The following UBR4 variants were observed in gnomAD, a reference collection of about 807,000 sequenced individuals.
UBR4 encodes E3 ubiquitin-protein ligase UBR4.
UBR4 carries 124 observed loss-of-function variants against 575.6 expected under a neutral mutation model. That is an observed-to-expected ratio of 0.22 (90% CI 0.19 to 0.25). The LOEUF (loss-of-function observed/expected upper bound fraction) is 0.25. Ranked by LOEUF, UBR4 falls within the 10% of genes least tolerant of loss-of-function variation. The pLI is 1.00. For synonymous variants in UBR4, 2,455 were observed against 2,473.7 expected, an observed-to-expected ratio of 0.99 and a Z score of 0.22; for missense variants, 4,818 against 6,478.8, an observed-to-expected ratio of 0.74 and a Z score of 8.80.
intron 65 of UBR4, 92 bp downstream of exon 65, chr1:19,124,449 A>G: frequency 6.6e-7 from 1 of 1,524,558 alleles, no homozygotes; most frequent in Admixed American, 2.0e-5. Context: ...AAGGGGAAAT[A>G]CCAAGTAAGG....
chr1:19,210,195 G>T lies in UBR4; in HGVS notation c.54C>A (p.Thr18=). Reference sequence around the variant, plus strand: ...GGGTCGTGTCCGCCCCCGTTGCCGGGGTCCCCGGCGCCGGAGCCGCTGCCG... The same window carrying T: ...GGGTCGTGTCCGCCCCCGTTGCCGGTGTCCCCGGCGCCGGAGCCGCTGCCG... ...EAAAAAPAPG[T]PATGADTTPG... is the part of the protein sequence containing the mutation. The change falls in exon 1 of 106, where the codon ACC becomes ACA. Residue 18 remains threonine (T), a synonymous_variant. Coordinates refer to ENST00000375254, the MANE Select transcript of UBR4 (RefSeq NM_020765.3). The T allele has an allele frequency of 1.4e-6, 2 of 1,477,202 alleles. No individual in the cohort carries two copies. The highest frequency in any genetic ancestry group is 8.9e-7 in the Non-Finnish European group (1 of 1,119,040). The allele number at this position is 1,477,202 out of a possible 1,614,324, so 91.5% of individuals were successfully genotyped here.
intron 92 of UBR4, 73 bp from the exon 93 acceptor site, chr1:19,095,725 AT>A: frequency 5.7e-6 from 8 of 1,401,674 alleles, no homozygotes; most frequent in Non-Finnish European, 8.1e-6. Flanking sequence ...TAGGAAAGGG[AT>A]GTCTAAGCAG....
Position 19,101,490 on chromosome 1 carries a change from G to A in UBR4, c.13023+30C>T, listed in dbSNP as rs111766468. On this transcript the variant is annotated intron_variant, in intron 88 of 105. Transcript: ENST00000375254. Reference sequence around the variant, plus strand: ...GGCAAAGTGGGCTGTGCTGACACTCGAGAGCCATGGGAAGCACCGCACTGC... The same window carrying A: ...GGCAAAGTGGGCTGTGCTGACACTCAAGAGCCATGGGAAGCACCGCACTGC... 365 of 1,585,750 alleles carry A rather than the reference G, an allele frequency of 2.3e-4. No individual in the cohort carries two copies. In the African/African-American group the frequency reaches 3.2e-3, roughly 14 times the overall value.
At chr1:19,076,154 A>C (rs946184466) in intron 105 of UBR4, among the ~76,000 whole-genome samples, 6 of 152,212 alleles carry the variant, frequency 3.9e-5, no homozygotes, top group Non-Finnish European at 7.3e-5. Flanking sequence ...TTGCAATTAG[A>C]ATGACAAATT....
intron 81 of UBR4, among the ~76,000 whole-genome samples, chr1:19,108,862 T>A (rs1425995494): frequency 6.6e-6 from 1 of 152,164 alleles, no homozygotes; most frequent in Non-Finnish European, 1.5e-5. Context: ...ATTGTGAACA[T>A]CCACACCAGG....
At chr1:19,087,642 A>G (rs938507816) in intron 99 of UBR4, among the ~76,000 whole-genome samples, 174 bp downstream of exon 99, 2 of 152,244 alleles carry the variant, frequency 1.3e-5, no homozygotes, top group African/African-American at 4.8e-5. Flanking sequence ...TAAAGTTCGG[A>G]TGAGCTCGCC....
intron 61 of UBR4, among the ~76,000 whole-genome samples, 200 bp from the exon 62 acceptor site, chr1:19,128,518 CT>C (rs2082063575): frequency 6.6e-6 from 1 of 152,172 alleles, no homozygotes; most frequent in Non-Finnish European, 1.5e-5. Context: ...ATATGCCACA[CT>C]TGACATTACA....
intron 11 of UBR4, among the ~76,000 whole-genome samples, chr1:19,188,071 A>T (rs903404359): frequency 8.1e-6 from 1 of 123,140 alleles, no homozygotes; most frequent in Non-Finnish European, 1.8e-5. Context: ...AATAAATAAA[A>T]CCTCCTGGAA....
intron 44 of UBR4, among the ~76,000 whole-genome samples, chr1:19,154,630 A>G (rs2086197621): frequency 6.6e-6 from 1 of 152,218 alleles, no homozygotes; most frequent in African/African-American, 2.4e-5. Context: ...TCACATTAAA[A>G]TCACATTTAT....
intron 35 of UBR4, 80 bp from the exon 36 acceptor site, chr1:19,161,977 C>G (rs1042375161): frequency 1.3e-6 from 2 of 1,516,322 alleles, no homozygotes; most frequent in African/African-American, 2.8e-5. Flanking sequence ...GCCTCAACGC[C>G]CTATGGCGGG....
Position 19,153,383 on chromosome 1 carries a change from G to A in UBR4, c.6750C>T (p.Ser2250=), listed in dbSNP as rs548089228. The A allele has an allele frequency of 1.3e-4, 210 of 1,614,184 alleles. No individual in the cohort carries two copies. In the South Asian group the frequency reaches 2.3e-3, roughly 17 times the overall value. ...RIYMANVENT[S]YWLQPSLQPS... ...GCTGCAGGGATGGCTGCAGCCAGTA[G>A]GAGGTGTTCTCCACGTTGGCCATGT... is the stretch of plus-strand genomic sequence containing the variant. The change falls in exon 46 of 106, where the codon TCC becomes TCT. Residue 2250 remains serine, a synonymous_variant. Transcript: ENST00000375254. This position sits in a 1 kb window ranked among gnomAD's most constrained non-coding sequence, Gnocchi z 4.1.
At chr1:19,083,560 G>T (rs1380566082) in intron 102 of UBR4, among the ~76,000 whole-genome samples, 1 of 152,112 alleles carries the variant, frequency 6.6e-6, no homozygotes, top group African/African-American at 2.4e-5. Flanking sequence ...TTTGAGACAT[G>T]GTCTTGCTCT....
chr1:19,118,915 G>A lies in UBR4; in HGVS notation c.10498C>T (p.Gln3500Ter). 6.2e-7 allele frequency: 1 copy of A among 1,614,190 alleles called. No individual in the cohort carries two copies. The highest frequency in any genetic ancestry group is 8.5e-7 in the Non-Finnish European group (1 of 1,180,024). The change falls in exon 71 of 106, where the codon CAA becomes TAA. Residue 3500 changes from glutamine (Q) to a stop codon, truncating the protein, a stop_gained. Transcript: ENST00000375254. LOFTEE classifies it high-confidence loss of function. ...GGGTGGTTGGTAAGAATATGGTTTTGAGTCCGCAGAATCTCCACAGCCTTC... is the reference window on the plus strand; with the variant it reads ...GGGTGGTTGGTAAGAATATGGTTTTAAGTCCGCAGAATCTCCACAGCCTTC... ...SQKAVEILRT[Q>*]NHILTNHPNS...
chr1:19,094,841 G>A, intron 94 of UBR4, 65 bp downstream of exon 94: 1 of 1,594,512 alleles, frequency 6.3e-7, no homozygotes, highest in Non-Finnish European at 8.5e-7. Flanking sequence ...AAACAGGCCT[G>A]TTGTGGGCAA....
Position 19,192,230 on chromosome 1 carries a change from G to A in UBR4, c.1352C>T (p.Thr451Ile). 6.2e-7 allele frequency: 1 copy of A among 1,614,130 alleles called. No individual in the cohort carries two copies. Among genetic ancestry groups the A allele is most frequent in the Non-Finnish European group, 8.5e-7 (1 of 1,180,012 alleles). The change falls in exon 11 of 106, where the codon ACT (threonine) becomes ATT (isoleucine). Residue 451 changes from threonine to isoleucine, a missense_variant. This residue lies in a region of UBR4 where 162 missense variants were observed against 216.4 expected (regional missense o/e 0.75). Coordinates refer to ENST00000375254, the MANE Select transcript of UBR4 (RefSeq NM_020765.3). ...TTTAGGGGAGCCCACTCCCTCTTTA[G>A]TACGAGAAAGGATGTCTCTGACTCG... ...ALRVRDILSRTKEGVGSPKLG... is the reference protein window; with the variant it reads ...ALRVRDILSRIKEGVGSPKLG...
chr1:19,192,672 T>C (rs913184318), intron 9 of UBR4, 132 bp from the exon 10 acceptor site: 1 of 943,736 alleles, frequency 1.1e-6, no homozygotes. Flanking sequence ...CATCGTACTT[T>C]CCTTGACCTT....
rs2078079513 is a variant in UBR4 at position 19,096,637 on chromosome 1, A to T, written c.13404T>A (p.Asp4468Glu). Reference protein sequence around the residue: ...SLDSTTDEEEDEEEVYKMAGV... With the variant: ...SLDSTTDEEEEEEEVYKMAGV... The stretch of plus-strand genomic sequence containing the variant: ...CAGCCATTTTATACACTTCTTCTTC[A>T]TCTTCTTCTTCATCTAGGGGAGAAG... Residue 4468 changes from aspartate to glutamate, a missense_variant, in exon 92 of 106, where the codon GAT becomes GAA. Asp to Glu is a conservative substitution (Grantham distance 45, BLOSUM62 2). Transcript: ENST00000375254. The T allele has an allele frequency of 6.2e-7, 1 of 1,613,546 alleles. No individual in the cohort carries two copies. The highest frequency in any genetic ancestry group is 8.5e-7 in the Non-Finnish European group (1 of 1,179,808).
chr1:19,160,413 C>T, intron 38 of UBR4, 132 bp from the exon 39 acceptor site: 1 of 874,980 alleles, frequency 1.1e-6, no homozygotes, highest in Non-Finnish European at 1.7e-6. Flanking sequence ...GATATTCTAG[C>T]CATCTTCTCA....
At position 19,143,263 on chromosome 1, in the gene UBR4, A is replaced by AAGG. The variant is rs1557762781; in HGVS notation, c.8179+716_8179+717insCCT. Among the ~76,000 whole-genome samples, 283 of 34,720 alleles carry AAGG rather than the reference A, an allele frequency of 8.2e-3. 1 individual carries two copies. The highest frequency in any genetic ancestry group is 0.015 in the Middle Eastern group (1 of 66). 22.8% of individuals were successfully genotyped at this position (34,720 alleles called of 152,430 possible). A position where few individuals can be genotyped will look rare whatever the true frequency, so the allele number is the denominator to read the frequency against. ...GGAAGGAAGGAAGGAAGGAAGGAAG[A>AAGG]AAGAAAGAAAGAAAGAAAGAAAGAA... On this transcript the variant is annotated intron_variant, in intron 55 of 105. Coordinates refer to ENST00000375254, the MANE Select transcript of UBR4 (RefSeq NM_020765.3).
Sources: gnomAD v4.1 joint callset for allele counts (sites outside exome capture counted in the v4.1 genomes callset) on GRCh38, gnomAD v4.1.1 for gene constraint, gnomAD v4.1.1 regional missense constraint, Gnocchi (gnomAD v3.1) non-coding constraint, MANE v1.5 for transcripts, NCBI Gene and HGNC (gene_info 2026-07-23, HGNC 2026-07-21) for gene names.